ERC1: variants seen among roughly 807,000 people sequenced by gnomAD.
ERC1 encodes RAB6 interacting protein 2.
In ERC1, 56 loss-of-function variants were observed where a neutral mutation model predicts 132.0. The ratio of observed to expected loss-of-function variants is 0.42; its 90% CI spans 0.34 to 0.53. ERC1 has a LOEUF of 0.53. ERC1 is among the 20% of genes least tolerant of loss of function. The pLI is 0.03. For missense variants in ERC1, 1,202 were observed against 1,349.9 expected, an observed-to-expected ratio of 0.89 and a Z score of 1.72; for synonymous variants, 478 against 476.1, an observed-to-expected ratio of 1.00 and a Z score of -0.05.
At chr12:1,356,351 G>A (rs923008531) in intron 15 of ERC1, among the ~76,000 whole-genome samples, 1 of 151,730 alleles carries the variant, frequency 6.6e-6, no homozygotes, top group Non-Finnish European at 1.5e-5. Context: ...CTTTACTGCT[G>A]TTGTTTTAAA....
intron 1 of ERC1, among the ~76,000 whole-genome samples, chr12:1,002,214 C>T (rs1240520858): frequency 7.8e-6 from 1 of 128,820 alleles, no homozygotes; most frequent in Non-Finnish European, 1.6e-5. Flanking sequence ...CACTCTGTCG[C>T]CCAGACTGGA....
At chr12:1,066,210 C>T (rs1939154349) in intron 2 of ERC1, among the ~76,000 whole-genome samples, 1 of 152,178 alleles carries the variant, frequency 6.6e-6, no homozygotes, top group Non-Finnish European at 1.5e-5. Flanking sequence ...GTTTTATGAA[C>T]AGTCATAAAT....
At chr12:1,163,555 G>T (rs1952071921) in intron 8 of ERC1, among the ~76,000 whole-genome samples, 1 of 152,116 alleles carries the variant, frequency 6.6e-6, no homozygotes, top group Non-Finnish European at 1.5e-5. Flanking sequence ...TGTGAATCAG[G>T]AATTCCAGAA....
chr12:1,247,221 C>G (rs987396335), intron 13 of ERC1, among the ~76,000 whole-genome samples: 3 of 151,496 alleles, frequency 2.0e-5, no homozygotes, highest in East Asian at 1.9e-4. Flanking sequence ...AGAGTGAGAC[C>G]CTGTCTCAAA....
chr12:1,193,530 G>A (rs752094685), intron 12 of ERC1, among the ~76,000 whole-genome samples: 21 of 151,528 alleles, frequency 1.4e-4, no homozygotes, highest in East Asian at 7.7e-4. Flanking sequence ...AGATTTATAC[G>A]TATATTTATA....
intron 4 of ERC1, among the ~76,000 whole-genome samples, chr12:1,109,340 GATAA>G (rs1945597012): frequency 6.6e-6 from 1 of 152,156 alleles, no homozygotes; most frequent in Non-Finnish European, 1.5e-5. Context: ...TTGCTAACAT[GATAA>G]ATAACTTAAT....
chr12:1,028,757 T>G (rs1198992997), intron 2 of ERC1, among the ~76,000 whole-genome samples, 185 bp downstream of exon 2: 1 of 152,172 alleles, frequency 6.6e-6, no homozygotes, highest in East Asian at 1.9e-4. Context: ...CCCTGTTTTC[T>G]TCTAGCTGCC....
chr12:1,199,147 C>CTGT, intron 12 of ERC1, among the ~76,000 whole-genome samples: 1 of 150,890 alleles, frequency 6.6e-6, no homozygotes. Flanking sequence ...GGACAAACCA[C>CTGT]CGTCATGATC....
intron 1 of ERC1, among the ~76,000 whole-genome samples, chr12:992,836 G>A (rs1959893207): frequency 6.6e-6 from 1 of 152,232 alleles, no homozygotes; most frequent in African/African-American, 2.4e-5. Flanking sequence ...ATGGATGGAA[G>A]TAGACATGGC....
intron 14 of ERC1, among the ~76,000 whole-genome samples, chr12:1,287,545 G>A (rs184163603): frequency 6.6e-6 from 1 of 152,334 alleles, no homozygotes; most frequent in East Asian, 1.9e-4. Flanking sequence ...AAAGGCCTGA[G>A]TAGAACAAAA....
chr12:1,078,764 G>T (rs1158420792), intron 2 of ERC1, among the ~76,000 whole-genome samples: 1 of 151,970 alleles, frequency 6.6e-6, no homozygotes. Context: ...CAAGGAGAGA[G>T]GAGTCACAAA....
chr12:1,113,548 A>G (rs1683505806), intron 6 of ERC1, among the ~76,000 whole-genome samples: 3 of 152,252 alleles, frequency 2.0e-5, no homozygotes, highest in Admixed American at 1.3e-4. Context: ...GAATAAAAAA[A>G]TACAGCATTT....
chr12:1,175,796 A>G (rs1460812448), intron 8 of ERC1, among the ~76,000 whole-genome samples: 3 of 152,192 alleles, frequency 2.0e-5, no homozygotes, highest in Admixed American at 6.5e-5. Context: ...CGGCCTCCCA[A>G]AGTGCTGCGA....
chr12:1,243,468 CGTG>C (rs1486660483), intron 13 of ERC1, among the ~76,000 whole-genome samples: 3 of 151,388 alleles, frequency 2.0e-5, no homozygotes, highest in African/African-American at 7.3e-5. Flanking sequence ...TGTAATGAAA[CGTG>C]AGAGATACTG....
chr12:1,467,714 A>G (rs1255313320), intron 18 of ERC1, among the ~76,000 whole-genome samples: 1 of 152,224 alleles, frequency 6.6e-6, no homozygotes, highest in Non-Finnish European at 1.5e-5. Flanking sequence ...TAATTATACA[A>G]TTCACCATAA....
intron 11 of ERC1, among the ~76,000 whole-genome samples, chr12:1,189,655 C>T (rs1955508070): frequency 6.6e-6 from 1 of 152,214 alleles, no homozygotes. Flanking sequence ...AACTAATCTA[C>T]TTGGAACCTA....
chr12:1,310,854 T>C (rs2081255174), intron 15 of ERC1, among the ~76,000 whole-genome samples: 1 of 152,282 alleles, frequency 6.6e-6, no homozygotes, highest in Non-Finnish European at 1.5e-5. Flanking sequence ...ATATCACTCC[T>C]GCCACCAGCA....
intron 15 of ERC1, among the ~76,000 whole-genome samples, chr12:1,302,036 A>G (rs2080443778): frequency 6.6e-6 from 1 of 152,192 alleles, no homozygotes; most frequent in Non-Finnish European, 1.5e-5. Flanking sequence ...TAAACTTGAC[A>G]AAGACATTGC....
chr12:1,454,283 G>A (rs1252371471), intron 18 of ERC1, among the ~76,000 whole-genome samples: 4 of 152,236 alleles, frequency 2.6e-5, no homozygotes, highest in South Asian at 2.1e-4. Context: ...TTCATCTGCC[G>A]GTTCATTTGT....
Sources: gnomAD v4.1 joint callset for allele counts (sites outside exome capture counted in the v4.1 genomes callset) on GRCh38, gnomAD v4.1.1 for gene constraint, MANE v1.5 for transcripts, NCBI Gene and HGNC (gene_info 2026-07-23, HGNC 2026-07-21) for gene names.